Variants in KCNQ5 observed in about 807,000 individuals in gnomAD.
KCNQ5 encodes potassium voltage-gated channel subfamily Q member 5.
Under a neutral mutation model 98.2 loss-of-function variants are expected in KCNQ5, and 30 were observed. The ratio of observed to expected loss-of-function variants is 0.31; its 90% confidence interval spans 0.23 to 0.41. The LOEUF (loss-of-function observed/expected upper bound fraction) is 0.41, where lower values mean the gene tolerates loss of function less well. KCNQ5 is among the 10% of genes least tolerant of loss of function. KCNQ5 has a pLI of 1.00. For missense variants in KCNQ5, 835 were observed against 1,182.5 expected, an observed-to-expected ratio of 0.71 and a Z score of 4.31; for synonymous variants, 458 against 449.4, an observed-to-expected ratio of 1.02 and a Z score of -0.24.
chr6:73,074,473 AT>A (rs1773433627), intron 3 of KCNQ5, among the ~76,000 whole-genome samples: 1 of 152,214 alleles, frequency 6.6e-6, no homozygotes, highest in South Asian at 2.1e-4. Context: ...TTACCTTTGC[AT>A]ATTTTGGAAC....
chr6:73,120,704 G>A, intron 8 of KCNQ5, 127 bp downstream of exon 8: 1 of 459,036 alleles, frequency 2.2e-6, no homozygotes, highest in Non-Finnish European at 3.8e-6. Context: ...CTCCTAAAGA[G>A]ATTCAAACCT....
intron 1 of KCNQ5, among the ~76,000 whole-genome samples, chr6:72,777,405 G>A (rs1773213374): frequency 6.6e-6 from 1 of 152,122 alleles, no homozygotes; most frequent in Admixed American, 6.5e-5. Flanking sequence ...TAGTTGGATG[G>A]GGGTGGGGTA....
At chr6:72,724,237 G>T (rs1220065977) in intron 1 of KCNQ5, among the ~76,000 whole-genome samples, 1 of 152,026 alleles carries the variant, frequency 6.6e-6, no homozygotes, top group Non-Finnish European at 1.5e-5. Context: ...TACTTTTGTG[G>T]TTAAAGGCAA....
At chr6:73,155,222 A>G (rs1777314699) in intron 10 of KCNQ5, among the ~76,000 whole-genome samples, 2 of 152,178 alleles carry the variant, frequency 1.3e-5, no homozygotes, top group South Asian at 2.1e-4. Context: ...CTAGACTACA[A>G]AATAAAGTTA....
At chr6:72,814,601 G>A (rs533548595) in intron 1 of KCNQ5, among the ~76,000 whole-genome samples, 1 of 152,290 alleles carries the variant, frequency 6.6e-6, no homozygotes, top group South Asian at 2.1e-4. Flanking sequence ...TCTACCACTA[G>A]TATCTGCTAT....
intron 1 of KCNQ5, among the ~76,000 whole-genome samples, chr6:72,973,310 T>TA (rs142065522): frequency 1 from 151,946 of 152,216 alleles, 75,838 homozygotes; most frequent in Middle Eastern, 1. Flanking sequence ...ACTGTGAACA[T>TA]AAACTTCTCT....
intron 2 of KCNQ5, among the ~76,000 whole-genome samples, chr6:73,039,906 G>C (rs1416848586): frequency 1.3e-5 from 2 of 152,056 alleles, no homozygotes; most frequent in Non-Finnish European, 2.9e-5. Context: ...TCTGAGCAAG[G>C]ATAAGGTGGG....
chr6:72,859,427 G>A lies in KCNQ5; in HGVS notation c.399-144481G>A, dbSNP rs185834412. 3.2e-3 allele frequency among the ~76,000 whole-genome samples: 396 copies of A among 125,014 alleles called. 2 individuals carry two copies. The highest frequency in any genetic ancestry group is 9.1e-3 in the African/African-American group (349 of 38,512). The allele number at this position is 125,014 out of a possible 152,430, so 82.0% of individuals were successfully genotyped here. On this transcript the variant is annotated intron_variant, in intron 1 of 13. Coordinates refer to ENST00000370398, the MANE Select transcript of KCNQ5 (RefSeq NM_019842.4). ...TACCCTTGTTTTCCCCATATTTTTC[G>A]TATTTTTTTCAATTTGCCTATATCA... is the stretch of plus-strand genomic sequence containing the variant.
intron 1 of KCNQ5, among the ~76,000 whole-genome samples, chr6:72,910,565 T>G (rs1175954291): frequency 1.5e-4 from 2 of 13,580 alleles, no homozygotes; most frequent in Non-Finnish European, 4.2e-4. Context: ...GGTAGGGGGG[T>G]GTGTGTGTGT....
chr6:72,807,962 G>A (rs1009428423), intron 1 of KCNQ5, among the ~76,000 whole-genome samples: 2 of 152,136 alleles, frequency 1.3e-5, no homozygotes, highest in East Asian at 1.9e-4. Flanking sequence ...TTATAGAAAG[G>A]GAAGTGAGAA....
At chr6:72,676,679 C>G (rs1279307845) in intron 1 of KCNQ5, among the ~76,000 whole-genome samples, 1 of 143,780 alleles carries the variant, frequency 7.0e-6, no homozygotes, top group Non-Finnish European at 1.6e-5. Flanking sequence ...TGTCACTTCT[C>G]CTTGTTTATA....
chr6:73,126,495 A>C (rs1201230626), intron 9 of KCNQ5, among the ~76,000 whole-genome samples: 1 of 152,226 alleles, frequency 6.6e-6, no homozygotes, highest in East Asian at 1.9e-4. Context: ...CTTCCTATTC[A>C]GTTATCACTA....
intron 1 of KCNQ5, among the ~76,000 whole-genome samples, chr6:72,801,604 T>A: frequency 7.8e-6 from 1 of 127,628 alleles, no homozygotes; most frequent in African/African-American, 3.3e-5. Flanking sequence ...TGTCTTTTAA[T>A]TGGAGCATTT....
At chr6:72,950,399 C>T (rs2150252360) in intron 1 of KCNQ5, among the ~76,000 whole-genome samples, 1 of 152,300 alleles carries the variant, frequency 6.6e-6, no homozygotes, top group Admixed American at 6.5e-5. Context: ...GTTGATGAAG[C>T]TAATGCTTCA....
At chr6:73,051,261 A>T (rs1382186596) in intron 3 of KCNQ5, among the ~76,000 whole-genome samples, 1 of 152,160 alleles carries the variant, frequency 6.6e-6, no homozygotes, top group Non-Finnish European at 1.5e-5. Context: ...GCTCACCACT[A>T]GCCTGCCCCT....
At chr6:72,828,106 G>A (rs1396191358) in intron 1 of KCNQ5, among the ~76,000 whole-genome samples, 6 of 152,088 alleles carry the variant, frequency 3.9e-5, no homozygotes, top group Non-Finnish European at 8.8e-5. Flanking sequence ...TTTTATGTTA[G>A]TACTATGCTG....
At chr6:73,064,878 G>C (rs955680846) in intron 3 of KCNQ5, among the ~76,000 whole-genome samples, 1 of 152,024 alleles carries the variant, frequency 6.6e-6, no homozygotes, top group Non-Finnish European at 1.5e-5. Context: ...ACTCATTCAT[G>C]ATGACTCTCA....
intron 10 of KCNQ5, among the ~76,000 whole-genome samples, chr6:73,149,808 G>A (rs1196896813): frequency 7.9e-5 from 11 of 139,098 alleles, no homozygotes; most frequent in East Asian, 2.1e-4. Flanking sequence ...AAAAAAAAAA[G>A]AGAGAGAGAG....
intron 1 of KCNQ5, among the ~76,000 whole-genome samples, chr6:72,671,225 A>G (rs1767086003): frequency 6.6e-6 from 1 of 152,186 alleles, no homozygotes; most frequent in Non-Finnish European, 1.5e-5. Flanking sequence ...CATTAAGTTA[A>G]TAAGAGTAGA....
Sources: gnomAD v4.1 joint callset for allele counts (sites outside exome capture counted in the v4.1 genomes callset) on GRCh38, gnomAD v4.1.1 for gene constraint, MANE v1.5 for transcripts, NCBI Gene and HGNC (gene_info 2026-07-23, HGNC 2026-07-21) for gene names.